The following SLIT3 variants were observed in gnomAD, a reference collection of about 807,000 sequenced individuals.
SLIT3 encodes the protein slit guidance ligand 3.
In SLIT3, 68 loss-of-function variants were observed where a neutral mutation model predicts 184.0. That is an observed-to-expected ratio of 0.37 (90% CI 0.30 to 0.45). SLIT3 has a LOEUF of 0.45. SLIT3 is among the 20% of genes least tolerant of loss of function. The probability of loss-of-function intolerance (pLI) is 1.00; values close to 1 mark genes in which losing one functional copy is unlikely to be tolerated. For missense variants in SLIT3, 1,707 were observed against 2,026.0 expected (o/e 0.84, Z 3.02); for synonymous variants, 831 against 828.6 (o/e 1.00, Z -0.05).
At chr5:168,999,491 T>C (rs1394133157) in intron 4 of SLIT3, among the ~76,000 whole-genome samples, 2 of 151,588 alleles carry the variant, frequency 1.3e-5, no homozygotes, top group African/African-American at 4.8e-5. Flanking sequence ...ACTAATCATA[T>C]CCCCATCCCC....
At chr5:168,974,062 ATC>A (rs141745192) in intron 4 of SLIT3, among the ~76,000 whole-genome samples, 1 of 151,866 alleles carries the variant, frequency 6.6e-6, no homozygotes, top group East Asian at 1.9e-4. Flanking sequence ...AGAAGCTGGC[ATC>A]TCTCTCTCTC....
chr5:168,911,394 T>C (rs897960275), intron 4 of SLIT3, among the ~76,000 whole-genome samples: 1 of 152,206 alleles, frequency 6.6e-6, no homozygotes, highest in Non-Finnish European at 1.5e-5. Flanking sequence ...CATTGTGGAT[T>C]TAAAGGTACT....
At chr5:169,001,129 G>C (rs12658059) in intron 4 of SLIT3, among the ~76,000 whole-genome samples, 34 of 152,160 alleles carry the variant, frequency 2.2e-4, no homozygotes, top group African/African-American at 7.9e-4. Flanking sequence ...ATTTATCCAA[G>C]TGCTTTGCTA....
At chr5:168,762,723 CCCGAGTTCCA>C in intron 14 of SLIT3, 34 bp from the exon 15 acceptor site, 1 of 1,605,432 alleles carries the variant, frequency 6.2e-7, no homozygotes, top group Non-Finnish European at 8.5e-7. Flanking sequence ...GTCAGCGTCA[CCCGAGTTCCA>C]CGCACAGCCC....
At chr5:169,125,746 G>A (rs772739420) in intron 4 of SLIT3, among the ~76,000 whole-genome samples, 2 of 152,310 alleles carry the variant, frequency 1.3e-5, no homozygotes, top group South Asian at 2.1e-4. Context: ...GGAAAAGAAC[G>A]TGACTGCCAT....
intron 21 of SLIT3, among the ~76,000 whole-genome samples, chr5:168,723,221 A>G (rs1361259187): frequency 6.6e-6 from 1 of 151,812 alleles, no homozygotes; most frequent in East Asian, 1.9e-4. Context: ...CCATCCGTCC[A>G]TCCATACATC....
At chr5:168,861,421 C>T (rs541316717) in intron 5 of SLIT3, among the ~76,000 whole-genome samples, 42 of 151,012 alleles carry the variant, frequency 2.8e-4, no homozygotes, top group African/African-American at 7.8e-4. Context: ...CCCACCAGCC[C>T]GCCCAATTTG....
At chr5:168,825,929 A>G (rs931430381) in intron 6 of SLIT3, among the ~76,000 whole-genome samples, 1 of 152,202 alleles carries the variant, frequency 6.6e-6, no homozygotes, top group African/African-American at 2.4e-5. Context: ...CTTAGGGGAA[A>G]CCAAGTTAAG....
At chr5:169,144,506 C>T (rs1230534240) in intron 4 of SLIT3, among the ~76,000 whole-genome samples, 1 of 152,246 alleles carries the variant, frequency 6.6e-6, no homozygotes, top group Admixed American at 6.5e-5. Context: ...TTGTCATCCT[C>T]ACCATTTCAT....
At chr5:169,221,792 G>A (rs972003197) in intron 3 of SLIT3, among the ~76,000 whole-genome samples, 1 of 152,234 alleles carries the variant, frequency 6.6e-6, no homozygotes, top group Non-Finnish European at 1.5e-5. Context: ...AGAGTGGGAT[G>A]TGCACACTTC....
intron 4 of SLIT3, among the ~76,000 whole-genome samples, chr5:168,981,208 T>G (rs116305967): frequency 0.012 from 1,882 of 152,330 alleles, 55 homozygotes; most frequent in African/African-American, 0.043. Context: ...ACAATTTGTG[T>G]AGCATGTAAT....
chr5:169,244,269 G>A (rs574174120), intron 3 of SLIT3, among the ~76,000 whole-genome samples: 82 of 152,364 alleles, frequency 5.4e-4, no homozygotes, highest in South Asian at 2.3e-3. Context: ...CGCAAGAGTG[G>A]GGCAGAGAAC....
At chr5:169,261,841 C>T (rs528318826) in intron 1 of SLIT3, among the ~76,000 whole-genome samples, 3 of 152,242 alleles carry the variant, frequency 2.0e-5, no homozygotes, top group Admixed American at 6.5e-5. Flanking sequence ...TTACATGGGA[C>T]GGCAATGCCC....
chr5:169,235,389 A>G (rs1418939401), intron 3 of SLIT3, among the ~76,000 whole-genome samples: 1 of 152,250 alleles, frequency 6.6e-6, no homozygotes, highest in Non-Finnish European at 1.5e-5. Flanking sequence ...ATGGGTCAGC[A>G]TAAAAACTTT....
chr5:168,940,388 A>G (rs1328656412), intron 4 of SLIT3, among the ~76,000 whole-genome samples: 1 of 152,212 alleles, frequency 6.6e-6, no homozygotes, highest in East Asian at 1.9e-4. Flanking sequence ...ATCAACAGTT[A>G]AGAAGAACCA....
rs878991354 is a variant in SLIT3, at chr5:168,753,845, C to A, written c.1829+19G>T. The stretch of plus-strand genomic sequence containing the variant: ...GTCTCCCTCTGGGTCTTGGCCCAGG[C>A]CCCACCCCAGGCACTCACAAGGTTT... On this transcript the variant is annotated intron_variant, in intron 17 of 35. Coordinates refer to ENST00000519560, the MANE Select transcript of SLIT3 (RefSeq NM_003062.4). 5 of 1,606,800 alleles carry A rather than the reference C, an allele frequency of 3.1e-6. No individual in the cohort carries two copies. The highest frequency in any genetic ancestry group is 3.4e-6 in the Non-Finnish European group (4 of 1,178,302).
chr5:168,938,385 C>G (rs1762226101), intron 4 of SLIT3, among the ~76,000 whole-genome samples: 1 of 152,110 alleles, frequency 6.6e-6, no homozygotes, highest in Non-Finnish European at 1.5e-5. Flanking sequence ...GGCATTTAAA[C>G]AGGAAATAGG....
chr5:168,670,032 G>A, intron 34 of SLIT3, 41 bp from the exon 35 acceptor site: 1 of 1,579,278 alleles, frequency 6.3e-7, no homozygotes, highest in Non-Finnish European at 8.7e-7. Context: ...CTGGATCAGA[G>A]TTGGTGCTGC....
chr5:169,225,595 C>T (rs1764778200), intron 3 of SLIT3, among the ~76,000 whole-genome samples: 1 of 152,206 alleles, frequency 6.6e-6, no homozygotes, highest in Non-Finnish European at 1.5e-5. Context: ...TAACAAAGGC[C>T]CCATAAGACT....
Sources: gnomAD v4.1 joint callset for allele counts (sites outside exome capture counted in the v4.1 genomes callset) on GRCh38, gnomAD v4.1.1 for gene constraint, MANE v1.5 for transcripts, NCBI Gene and HGNC (gene_info 2026-07-23, HGNC 2026-07-21) for gene names.